MACC1: variants seen among roughly 807,000 people sequenced by gnomAD.
MACC1 encodes the protein metastasis-associated in colon cancer protein 1.
Under a neutral mutation model 70.7 loss-of-function variants are expected in MACC1, and 79 were observed. The observed-to-expected ratio is 1.12, with a 90% CI of 0.93 to 1.35. The LOEUF (loss-of-function observed/expected upper bound fraction) is 1.35. Ranked by LOEUF, MACC1 falls within the 40% of genes most tolerant of loss-of-function variation. MACC1 has a pLI of 0.00. For synonymous variants in MACC1, 361 were observed against 347.2 expected, an observed-to-expected ratio of 1.04 and a Z score of -0.44; for missense variants, 1,106 against 978.1, an observed-to-expected ratio of 1.13 and a Z score of -1.74.
chr7:20,196,806 AAAAT>A (rs957661581), intron 1 of MACC1, among the ~76,000 whole-genome samples: 5 of 152,166 alleles, frequency 3.3e-5, no homozygotes, highest in Admixed American at 2.6e-4. Context: ...ATAAGGTTGA[AAAAT>A]AAATAAAGCA....
At chr7:20,177,076 C>A (rs1482392628) in intron 1 of MACC1, among the ~76,000 whole-genome samples, 1 of 152,034 alleles carries the variant, frequency 6.6e-6, no homozygotes, top group East Asian at 1.9e-4. Context: ...GTGTCAATTT[C>A]CTGGTTTTGA....
intron 3 of MACC1, among the ~76,000 whole-genome samples, chr7:20,163,779 G>A (rs1021863860): frequency 2.0e-5 from 3 of 152,140 alleles, no homozygotes; most frequent in African/African-American, 7.2e-5. Flanking sequence ...TAGCAAGTGA[G>A]CCACTGACCG....
Position 20,161,775 on chromosome 7 carries a change from T to C in MACC1, c.88A>G (p.Lys30Glu). 6.2e-7 allele frequency: 1 copy of C among 1,612,034 alleles called. No individual in the cohort carries two copies. Among genetic ancestry groups the C allele is most frequent in the South Asian group, 1.1e-5 (1 of 91,000 alleles). The change falls in exon 4 of 7, where the codon AAA becomes GAA. Residue 30 changes from lysine (K) to glutamate (E), a missense_variant. Lys to Glu is a moderately conservative substitution (Grantham distance 56). Transcript: ENST00000400331. ...GTAATATTGCAACTTTTTGAGAGTTTTCCAGCTTCCATGTCAATCAAATTT... is the reference window on the plus strand; with the variant it reads ...GTAATATTGCAACTTTTTGAGAGTTCTCCAGCTTCCATGTCAATCAAATTT... ...EANLIDMEAG[K>E]LSKSCNITEC...
At chr7:20,165,735 T>G (rs758655743) in intron 2 of MACC1, among the ~76,000 whole-genome samples, 3 of 152,194 alleles carry the variant, frequency 2.0e-5, no homozygotes. Context: ...GAGTCAGTCT[T>G]TGTTGGAATG....
chr7:20,159,169 C>G lies in MACC1; in HGVS notation c.1192G>C (p.Gly398Arg). Reference protein sequence around the residue: ...LTVCGHNYMPGQLTISDIKKG... With the variant: ...LTVCGHNYMPRQLTISDIKKG... Reference sequence around the variant, plus strand: ...TTAATATCAGAAATTGTAAGCTGTCCTGGCATATAATTGTGTCCACAAACT... The same window carrying G: ...TTAATATCAGAAATTGTAAGCTGTCGTGGCATATAATTGTGTCCACAAACT... The change falls in exon 5 of 7, where the codon GGA (glycine) becomes CGA (arginine). Residue 398 changes from glycine to arginine, a missense_variant. Coordinates refer to ENST00000400331, the MANE Select transcript of MACC1 (RefSeq NM_182762.4). 1 of 1,614,016 alleles carries G rather than the reference C, an allele frequency of 6.2e-7. No homozygotes were observed. The highest frequency in any genetic ancestry group is 8.5e-7 in the Non-Finnish European group (1 of 1,180,008).
intron 1 of MACC1, among the ~76,000 whole-genome samples, chr7:20,176,135 T>C (rs911624197): frequency 6.6e-6 from 1 of 152,156 alleles, no homozygotes. Context: ...ACAAATGTTC[T>C]CTCAAAACTT....
At chr7:20,144,823 A>G (rs1781863759) in intron 6 of MACC1, among the ~76,000 whole-genome samples, 1 of 152,232 alleles carries the variant, frequency 6.6e-6, no homozygotes, top group Admixed American at 6.5e-5. Context: ...AGGAAGAGAA[A>G]AAAGGGATGC....
intron 1 of MACC1, among the ~76,000 whole-genome samples, chr7:20,197,940 A>G (rs1244792804): frequency 4.2e-4 from 64 of 152,216 alleles, no homozygotes; most frequent in Admixed American, 4.1e-3. Flanking sequence ...TCATTTATAG[A>G]AATATTTTAT....
Position 20,159,291 on chromosome 7 carries a change from G to A in MACC1, c.1070C>T (p.Ser357Leu), listed in dbSNP as rs537691474. Residue 357 changes from serine (S) to leucine (L), a missense_variant, in exon 5 of 7, where the codon TCA (serine) becomes TTA (leucine). Ser to Leu is a moderately radical substitution (Grantham distance 145). Transcript: ENST00000400331. ...VVAAQAKALP[S>L]PAATIWDYIH... is the part of the protein sequence containing the mutation. ...ATAATCCCAAATGGTGGCAGCTGGT[G>A]ACGGAAGAGCTTTAGCTTGTGCAGC... is the stretch of plus-strand genomic sequence containing the variant. 1.2e-6 allele frequency: 2 copies of A among 1,614,080 alleles called. No individual in the cohort carries two copies. Among genetic ancestry groups the A allele is most frequent in the Admixed American group, 1.7e-5 (1 of 59,986 alleles).
chr7:20,160,907 C>A (rs754057713), intron 4 of MACC1, among the ~76,000 whole-genome samples: 3 of 151,786 alleles, frequency 2.0e-5, no homozygotes, highest in Non-Finnish European at 2.9e-5. Flanking sequence ...AAATTTAGAC[C>A]ACCATTGGTT....
chr7:20,210,180 T>C (rs989925683), intron 1 of MACC1, among the ~76,000 whole-genome samples: 10 of 152,198 alleles, frequency 6.6e-5, no homozygotes, highest in Non-Finnish European at 1.0e-4. Context: ...AGATTTTCTA[T>C]AGTGAACATG....
chr7:20,185,033 C>T (rs1282670432), intron 1 of MACC1: 2 of 152,036 alleles, frequency 1.3e-5, no homozygotes, highest in Admixed American at 6.6e-5. Context: ...AGAACTTTTC[C>T]TTTTTAATCG....
At chr7:20,213,245 G>A (rs368730132) in intron 1 of MACC1, among the ~76,000 whole-genome samples, 35 of 152,254 alleles carry the variant, frequency 2.3e-4, no homozygotes, top group South Asian at 1.0e-3. Context: ...ACACCAGTCC[G>A]AATGGCTGTT....
Position 20,158,607 on chromosome 7 carries a change from T to C in MACC1, c.1754A>G (p.Lys585Arg), listed in dbSNP as rs530593595. 1 of 1,614,006 alleles carries C rather than the reference T, an allele frequency of 6.2e-7. No individual in the cohort carries two copies. The highest frequency in any genetic ancestry group is 8.5e-7 in the Non-Finnish European group (1 of 1,179,958). The change falls in exon 5 of 7, where the codon AAG (lysine) becomes AGG (arginine). Residue 585 changes from lysine to arginine, a missense_variant. Lys to Arg is a conservative substitution (Grantham distance 26). Transcript: ENST00000400331. ...GDTIALLGEG[K>R]VKAIGQSKVK... ...TTTGGACTGACCAATAGCTTTTACC[T>C]TACCTTCCCCGAGGAGAGCTATTGT...
Position 20,212,985 on chromosome 7 carries a change from G to A in MACC1, c.-218+4314C>T, listed in dbSNP as rs547511719. ...AGGGACTGGCTTAAAGAAGCTGTATGGTCATGTTTTCGTAGAGCAGCTGTT... is the reference window on the plus strand; with the variant it reads ...AGGGACTGGCTTAAAGAAGCTGTATAGTCATGTTTTCGTAGAGCAGCTGTT... On this transcript the variant is annotated intron_variant, in intron 1 of 6. Transcript: ENST00000400331. Among the ~76,000 whole-genome samples, 5 of 152,248 alleles carry A rather than the reference G, an allele frequency of 3.3e-5. No individual in the cohort carries two copies. In the South Asian group the frequency reaches 8.3e-4, roughly 25 times the overall value.
chr7:20,208,515 C>A (rs896287047), intron 1 of MACC1, among the ~76,000 whole-genome samples: 5 of 152,172 alleles, frequency 3.3e-5, no homozygotes, highest in Admixed American at 2.6e-4. Flanking sequence ...CATTTTGCCA[C>A]TGACCTAGAG....
rs10555255 is a variant in MACC1, at chr7:20,140,802, T to TACAC, written c.*140_*143dup. 2.7e-4 allele frequency: 124 copies of TACAC among 456,926 alleles called. No individual in the cohort carries two copies. Among genetic ancestry groups the TACAC allele is most frequent in the African/African-American group, 2.0e-3 (80 of 40,480 alleles). 28.3% of individuals were successfully genotyped at this position (456,926 alleles called of 1,614,324 possible). A position where few individuals can be genotyped will look rare whatever the true frequency, so the allele number is the denominator to read the frequency against. Reference sequence around the variant, plus strand: ...TGCTTTTCTGAGATTCTTTCTTTCCTACACACACACACACACACACACAGA... The same window carrying TACAC: ...TGCTTTTCTGAGATTCTTTCTTTCCTACACACACACACACACACACACACACAGA... On this transcript the variant is annotated 3_prime_UTR_variant, in exon 7 of 7. Transcript: ENST00000400331.
chr7:20,148,436 G>C (rs1361392737), intron 6 of MACC1, among the ~76,000 whole-genome samples: 1 of 152,050 alleles, frequency 6.6e-6, no homozygotes, highest in Non-Finnish European at 1.5e-5. Flanking sequence ...ACACATAGCT[G>C]GATTTTGGTT....
chr7:20,157,605 G>A (rs1679120714), intron 5 of MACC1, among the ~76,000 whole-genome samples: 1 of 148,948 alleles, frequency 6.7e-6, no homozygotes, highest in Non-Finnish European at 1.5e-5. Flanking sequence ...GAAACATAGT[G>A]AGACACTCAT....
Sources: gnomAD v4.1 joint callset for allele counts (sites outside exome capture counted in the v4.1 genomes callset) on GRCh38, gnomAD v4.1.1 for gene constraint, MANE v1.5 for transcripts, NCBI Gene and HGNC (gene_info 2026-07-23, HGNC 2026-07-21) for gene names.